The following FGD6 variants were observed in gnomAD, a reference collection of about 807,000 sequenced individuals.
FGD6 encodes FYVE, RhoGEF and PH domain containing 6, also known as FYVE, RhoGEF and PH domain-containing protein 6.
Under a neutral mutation model 149.4 loss-of-function variants are expected in FGD6, and 90 were observed. The observed-to-expected ratio is 0.60, with a 90% confidence interval of 0.51 to 0.72. The LOEUF is 0.72. Among genes scored for constraint, FGD6 ranks in the 30% least tolerant of loss-of-function variants. The pLI is 0.00. For synonymous variants in FGD6, 527 were observed against 584.0 expected, an observed-to-expected ratio of 0.90 and a Z score of 1.41; for missense variants, 1,437 against 1,684.8, an observed-to-expected ratio of 0.85 and a Z score of 2.57.
rs1416703142 is a variant in FGD6 at position 95,134,836 on chromosome 12, G to T, written c.2995-10C>A. The T allele has an allele frequency of 1.2e-6, 2 of 1,607,518 alleles. No individual in the cohort carries two copies. The highest frequency in any genetic ancestry group is 1.7e-6 in the Non-Finnish European group (2 of 1,176,774). The stretch of plus-strand genomic sequence containing the variant: ...CACAGCGAGGGCTCATCTGAAAGGA[G>T]AAGGCATCTAAATTAACACAGTGTT... On this transcript the variant is annotated splice_polypyrimidine_tract_variant and intron_variant, in intron 7 of 20. Transcript: ENST00000343958.
chr12:95,125,851 T>C, intron 8 of FGD6: 3 of 1,068,788 alleles, frequency 2.8e-6, no homozygotes, highest in South Asian at 1.3e-5. Flanking sequence ...ATAGATGTTA[T>C]TGATCAGAAC....
intron 3 of FGD6, among the ~76,000 whole-genome samples, chr12:95,171,336 T>C (rs992249301): frequency 6.6e-6 from 1 of 152,198 alleles, no homozygotes; most frequent in Non-Finnish European, 1.5e-5. Context: ...CACATGAATT[T>C]TCTCCATGGC....
chr12:95,144,781 G>A lies in FGD6; in HGVS notation c.2686-3242C>T, dbSNP rs191184443. 6.2e-3 allele frequency among the ~76,000 whole-genome samples: 923 copies of A among 147,860 alleles called. 15 individuals are homozygous for A. Among genetic ancestry groups the A allele is most frequent in the African/African-American group, 0.022 (873 of 40,012 alleles). ...CAGCTCACTGCAACCTCCACCTCCCGAGTTCAAGTGATTTCTCCTGCCTCA... is the reference window on the plus strand; with the variant it reads ...CAGCTCACTGCAACCTCCACCTCCCAAGTTCAAGTGATTTCTCCTGCCTCA... On this transcript the variant is annotated intron_variant, in intron 5 of 20. Coordinates refer to ENST00000343958, the MANE Select transcript of FGD6 (RefSeq NM_018351.4).
chr12:95,141,450 C>G lies in FGD6; in HGVS notation c.2775G>C (p.Leu925Phe), dbSNP rs1320983317. The change falls in exon 6 of 21, where the codon TTG (leucine) becomes TTC (phenylalanine). Residue 925 changes from leucine (L) to phenylalanine (F), a missense_variant. By Grantham distance (22) the Leu-to-Phe change is conservative. This residue lies in a region of FGD6 where 1,055 missense variants were observed against 1,146.0 expected (regional missense o/e 0.92). Coordinates refer to ENST00000343958, the MANE Select transcript of FGD6 (RefSeq NM_018351.4). Reference sequence around the variant, plus strand: ...CCCGGTTGAGCTCATACAGCTGAGGCAAGTAGTATAGGATCTGATTTAGAA... The same window carrying G: ...CCCGGTTGAGCTCATACAGCTGAGGGAAGTAGTATAGGATCTGATTTAGAA... ...DRILNQILYY[L>F]PQLYELNRDL... The G allele has an allele frequency of 1.2e-6, 2 of 1,614,038 alleles. No individual in the cohort carries two copies. Among genetic ancestry groups the G allele is most frequent in the Non-Finnish European group, 1.7e-6 (2 of 1,180,032 alleles).
intron 2 of FGD6, among the ~76,000 whole-genome samples, chr12:95,184,154 A>G (rs773673688): frequency 6.6e-6 from 1 of 152,208 alleles, no homozygotes; most frequent in Non-Finnish European, 1.5e-5. Flanking sequence ...GGGGAATTAC[A>G]AGGAAACCAA....
At chr12:95,102,459 A>C (rs1232022497) in intron 14 of FGD6, among the ~76,000 whole-genome samples, 4 of 151,446 alleles carry the variant, frequency 2.6e-5, no homozygotes, top group East Asian at 1.9e-4. Context: ...AAAAAAAAAA[A>C]AAAAAAAACA....
chr12:95,171,608 C>T (rs1258044746), intron 3 of FGD6, among the ~76,000 whole-genome samples: 3 of 152,136 alleles, frequency 2.0e-5, no homozygotes, highest in African/African-American at 4.8e-5. Flanking sequence ...CTCCGCCTCC[C>T]GGGTTCACGC....
chr12:95,105,688 T>C (rs1247082373), intron 13 of FGD6, among the ~76,000 whole-genome samples: 1 of 152,190 alleles, frequency 6.6e-6, no homozygotes, highest in African/African-American at 2.4e-5. Context: ...TATGAATACA[T>C]TAATGCATGA....
chr12:95,137,356 T>C (rs1879697491), intron 7 of FGD6, among the ~76,000 whole-genome samples, 166 bp downstream of exon 7: 2 of 152,228 alleles, frequency 1.3e-5, no homozygotes, highest in Admixed American at 6.5e-5. Context: ...TGTACATTCT[T>C]GAGTTCTCAC....
rs1210546416 is a variant in FGD6, at chr12:95,079,741, C to T, written c.*1779G>A. The T allele has an allele frequency of 6.6e-6, 1 of 151,724 alleles. No individual in the cohort carries two copies. Among genetic ancestry groups the T allele is most frequent in the Non-Finnish European group, 1.5e-5 (1 of 67,952 alleles). The allele number at this position is 151,724 out of a possible 1,614,324, so 9.4% of individuals were successfully genotyped here. A position where few individuals can be genotyped will look rare whatever the true frequency, so the allele number is the denominator to read the frequency against. On this transcript the variant is annotated 3_prime_UTR_variant, in exon 21 of 21. Coordinates refer to ENST00000343958, the MANE Select transcript of FGD6 (RefSeq NM_018351.4). Reference sequence around the variant, plus strand: ...ATGACTCCATGGCAAAAAATCGCCACAAAAAACTATAGCAGCCAACTCTAG... The same window carrying T: ...ATGACTCCATGGCAAAAAATCGCCATAAAAAACTATAGCAGCCAACTCTAG...
rs562542247 is a variant in FGD6, at chr12:95,173,822, G to A, written c.2442-1078C>T. 2.0e-5 allele frequency among the ~76,000 whole-genome samples: 3 copies of A among 152,162 alleles called. No homozygotes were observed. The South Asian group carries it at 6.2e-4, about 32-fold the overall frequency. On this transcript the variant is annotated intron_variant, in intron 2 of 20. Transcript: ENST00000343958. ...CCACTCTGGCAGGCTCTTTCAGCAGGTCACAGGCAGGTCACTCAACAGCCA... is the reference window on the plus strand; with the variant it reads ...CCACTCTGGCAGGCTCTTTCAGCAGATCACAGGCAGGTCACTCAACAGCCA...
chr12:95,172,547 A>T, intron 3 of FGD6, 53 bp downstream of exon 3: 1 of 1,460,750 alleles, frequency 6.8e-7, no homozygotes, highest in Non-Finnish European at 9.2e-7. Flanking sequence ...GCAGACAAAT[A>T]TCATTCCCAA....
chr12:95,138,152 C>T (rs1057405346), intron 6 of FGD6, among the ~76,000 whole-genome samples: 5 of 151,274 alleles, frequency 3.3e-5, no homozygotes, highest in Admixed American at 2.0e-4. Context: ...TGCAGTGAGC[C>T]GAGATTGTGC....
intron 14 of FGD6, among the ~76,000 whole-genome samples, chr12:95,098,742 C>A (rs1384433330): frequency 1.3e-5 from 2 of 152,350 alleles, no homozygotes; most frequent in East Asian, 3.9e-4. Flanking sequence ...TGCTTTACAG[C>A]CTCCTAGCCC....
intron 2 of FGD6, among the ~76,000 whole-genome samples, chr12:95,178,138 C>A (rs146624619): frequency 6.6e-6 from 1 of 152,210 alleles, no homozygotes; most frequent in African/African-American, 2.4e-5. Context: ...AGAATTTTCT[C>A]CATCCCTTAC....
At chr12:95,111,638 T>C (rs1269440828) in intron 9 of FGD6, among the ~76,000 whole-genome samples, 2 of 152,182 alleles carry the variant, frequency 1.3e-5, no homozygotes, top group Non-Finnish European at 2.9e-5. Context: ...CTTCACACTT[T>C]TCTCTGTCAT....
chr12:95,157,476 G>C (rs1880505756), intron 3 of FGD6, among the ~76,000 whole-genome samples: 1 of 145,504 alleles, frequency 6.9e-6, no homozygotes. Flanking sequence ...TGAGGCAGGA[G>C]AATCACTTGA....
rs1040127869 is a variant in FGD6 at position 95,210,172 on chromosome 12, T to C, written c.1112A>G (p.Lys371Arg). 18 of 1,614,020 alleles carry C rather than the reference T, an allele frequency of 1.1e-5. No homozygotes were observed. The highest frequency in any genetic ancestry group is 1.5e-5 in the Non-Finnish European group (18 of 1,180,026). Residue 371 changes from lysine to arginine, a missense_variant, in exon 2 of 21, where the codon AAG (lysine) becomes AGG (arginine). Physicochemically the swap from Lys to Arg is conservative, Grantham distance 26. Transcript: ENST00000343958. ...CTTCATTTTATCCACCTGTTCCTGC[T>C]TACACAAAACATTCTGATGCAGAAC... ...ISVLHQNVLC[K>R]QEQVDKMKLG...
At chr12:95,135,818 C>T (rs1398232795) in intron 7 of FGD6, among the ~76,000 whole-genome samples, 2 of 152,102 alleles carry the variant, frequency 1.3e-5, no homozygotes, top group Non-Finnish European at 2.9e-5. Context: ...GCATCATTAA[C>T]CCAGATTACT....
Sources: gnomAD v4.1 joint callset for allele counts (sites outside exome capture counted in the v4.1 genomes callset) on GRCh38, gnomAD v4.1.1 for gene constraint, gnomAD v4.1.1 regional missense constraint, MANE v1.5 for transcripts, NCBI Gene and HGNC (gene_info 2026-07-23, HGNC 2026-07-21) for gene names.